RTTN: variants seen among roughly 807,000 people sequenced by gnomAD.
The protein encoded by RTTN is rotatin.
RTTN carries 182 observed loss-of-function variants against 269.2 expected under a neutral mutation model. The observed-to-expected ratio is 0.68, with a 90% CI of 0.60 to 0.76. The LOEUF is 0.76. Ranked by LOEUF, RTTN falls within the 30% of genes least tolerant of loss-of-function variation. The pLI, the probability that RTTN is intolerant of heterozygous loss-of-function variation, is 0.00. For synonymous variants in RTTN, 1,006 were observed against 963.5 expected (o/e 1.04, Z -0.82); for missense variants, 2,545 against 2,608.6 (o/e 0.98, Z 0.53).
intron 14 of RTTN, among the ~76,000 whole-genome samples, chr18:70,153,990 A>C (rs983707418): frequency 1.3e-5 from 2 of 152,178 alleles, no homozygotes; most frequent in African/African-American, 4.8e-5. Context: ...TAAAACATTA[A>C]ATGAAAGTTC....
rs1354496601 is a variant in RTTN at position 70,149,869 on chromosome 18, A to G, written c.2172+102T>C. On this transcript the variant is annotated intron_variant, in intron 16 of 48. Transcript: ENST00000640769. ...CCCAGCGCCTTCACAGCTTCTCTTCATTTCTCTCACAACTTGACAGTTTAG... is the reference window on the plus strand; with the variant it reads ...CCCAGCGCCTTCACAGCTTCTCTTCGTTTCTCTCACAACTTGACAGTTTAG... The G allele has an allele frequency of 7.6e-5, 65 of 858,444 alleles. No homozygotes were observed. In the East Asian group the frequency reaches 1.6e-3, roughly 21 times the overall value. 53.2% of individuals were successfully genotyped at this position (858,444 alleles called of 1,614,324 possible).
At chr18:70,017,341 T>C (rs1568244163) in intron 46 of RTTN, 66 bp downstream of exon 46, 9 of 1,390,310 alleles carry the variant, frequency 6.5e-6, no homozygotes, top group Non-Finnish European at 8.9e-6. Context: ...ATAAAATTAT[T>C]TGGTGTTGAC....
At chr18:70,161,460 T>C (rs7244441) in intron 14 of RTTN, among the ~76,000 whole-genome samples, 123,770 of 152,076 alleles carry the variant, frequency 0.81, 53,532 homozygotes, top group East Asian at 1. Flanking sequence ...AAAAAAGCAA[T>C]TGCAACAAAA....
intron 27 of RTTN, among the ~76,000 whole-genome samples, chr18:70,112,483 C>CAAAAAAAAAAAAAAA (rs36147576): frequency 3.2e-4 from 22 of 68,044 alleles, no homozygotes; most frequent in South Asian, 9.6e-4. Context: ...AAATGGAAAG[C>CAAAAAAAAAAAAAAA]AAAAAAAAAA....
At chr18:70,105,713 C>T (rs898699590) in intron 28 of RTTN, among the ~76,000 whole-genome samples, 3 of 152,068 alleles carry the variant, frequency 2.0e-5, no homozygotes, top group African/African-American at 7.2e-5. Context: ...GATCTTTAAA[C>T]TTGTTTTAAA....
intron 11 of RTTN, among the ~76,000 whole-genome samples, chr18:70,171,759 C>T (rs2061149087): frequency 6.6e-6 from 1 of 152,210 alleles, no homozygotes; most frequent in South Asian, 2.1e-4. Context: ...TGTAAACTAG[C>T]CACTCAGCAG....
At chr18:70,123,390 T>C (rs541483313) in intron 25 of RTTN, among the ~76,000 whole-genome samples, 1 of 152,216 alleles carries the variant, frequency 6.6e-6, no homozygotes, top group South Asian at 2.1e-4. Context: ...CATATATTAT[T>C]ATTAACTATA....
At chr18:70,044,149 G>A (rs544685862) in intron 40 of RTTN, among the ~76,000 whole-genome samples, 1 of 152,148 alleles carries the variant, frequency 6.6e-6, no homozygotes, top group Admixed American at 6.5e-5. Flanking sequence ...TAAAAAATAG[G>A]CTTTTTAATT....
Position 70,190,542 on chromosome 18 carries a change from T to C in RTTN, c.1185A>G (p.Arg395=). 1 of 1,609,984 alleles carries C rather than the reference T, an allele frequency of 6.2e-7. No individual in the cohort carries two copies. Among genetic ancestry groups the C allele is most frequent in the Non-Finnish European group, 8.5e-7 (1 of 1,176,472 alleles). Residue 395 remains arginine (R), a synonymous_variant, in exon 9 of 49, where the codon AGA becomes AGG. Coordinates refer to ENST00000640769, the MANE Select transcript of RTTN (RefSeq NM_173630.4). Reference sequence around the variant, plus strand: ...ACGATTTCTAAAACAACTAACCTGTTCTTAAGAGAGGAACAGCTGATTCCA... The same window carrying C: ...ACGATTTCTAAAACAACTAACCTGTCCTTAAGAGAGGAACAGCTGATTCCA... The part of the protein sequence containing the change: ...SILESAVPLL[R]TGSRQVIIRV...
chr18:70,080,664 T>G lies in RTTN; in HGVS notation c.4375-5123A>C, dbSNP rs534257298. 3.3e-5 allele frequency among the ~76,000 whole-genome samples: 5 copies of G among 152,270 alleles called. No individual in the cohort carries two copies. In the East Asian group the frequency reaches 9.6e-4, roughly 29 times the overall value. On this transcript the variant is annotated intron_variant, in intron 32 of 48. Transcript: ENST00000640769. Reference sequence around the variant, plus strand: ...TTAGGAAATCATTTGGCAACAATTCTGTAATAACTGTTTCAGGTAAGAATC... The same window carrying G: ...TTAGGAAATCATTTGGCAACAATTCGGTAATAACTGTTTCAGGTAAGAATC...
In RTTN at chr18:70,054,140, C is replaced by A; in HGVS notation, c.5176G>T (p.Asp1726Tyr). The change falls in exon 38 of 49, where the codon GAT (aspartate) becomes TAT (tyrosine). Residue 1726 changes from aspartate (D) to tyrosine (Y), a missense_variant. Transcript: ENST00000640769. ...IIGILTICTKDVLDKELISAF... is the reference protein window; with the variant it reads ...IIGILTICTKYVLDKELISAF... ...AAACAATTAAGCTTACCTAATACAT[C>A]TTTGGTACATATGGTGAGAATTCCA... 5.6e-6 allele frequency: 9 copies of A among 1,612,308 alleles called. No individual in the cohort carries two copies. Among genetic ancestry groups the A allele is most frequent in the Non-Finnish European group, 7.6e-6 (9 of 1,178,604 alleles).
At chr18:70,158,612 T>C (rs2060746202) in intron 14 of RTTN, among the ~76,000 whole-genome samples, 1 of 152,126 alleles carries the variant, frequency 6.6e-6, no homozygotes, top group Non-Finnish European at 1.5e-5. Flanking sequence ...ACCTTGAACA[T>C]AAACGGGCTA....
At chr18:70,080,544 G>A (rs1203940318) in intron 32 of RTTN, among the ~76,000 whole-genome samples, 1 of 152,146 alleles carries the variant, frequency 6.6e-6, no homozygotes, top group Non-Finnish European at 1.5e-5. Flanking sequence ...TTCAATCCAT[G>A]CTGGTGTAAA....
intron 28 of RTTN, among the ~76,000 whole-genome samples, chr18:70,103,163 T>C (rs372225074): frequency 0.024 from 3,005 of 125,622 alleles, 92 homozygotes; most frequent in African/African-American, 0.081. Flanking sequence ...CCTGGCCGCC[T>C]CGTCTGGGAA....
chr18:70,088,139 GAATCTCACCTGTTCA>G lies in RTTN; in HGVS notation c.4144-7_4151del. 3.1e-6 allele frequency: 5 copies of G among 1,608,580 alleles called. No individual in the cohort carries two copies. Among genetic ancestry groups the G allele is most frequent in the Non-Finnish European group, 4.2e-6 (5 of 1,178,100 alleles). ...GTGCTGATCCTAATCCCAGTGAAGTGAATCTCACCTGTTCAAATTAAAGAGAAAGTTGTTGAATCA... is the reference window on the plus strand; with the variant it reads ...GTGCTGATCCTAATCCCAGTGAAGTGAATTAAAGAGAAAGTTGTTGAATCA... On this transcript the variant is annotated splice_acceptor_variant and splice_polypyrimidine_tract_variant and coding_sequence_variant and intron_variant, in exon 31 of 49. Coordinates refer to ENST00000640769, the MANE Select transcript of RTTN (RefSeq NM_173630.4). LOFTEE classifies it high-confidence loss of function.
chr18:70,120,058 A>G (rs1318336511), intron 26 of RTTN, among the ~76,000 whole-genome samples: 2 of 152,236 alleles, frequency 1.3e-5, no homozygotes, highest in Non-Finnish European at 2.9e-5. Context: ...TGACTGGATC[A>G]TGAAGGCCCT....
chr18:70,131,954 A>AG (rs201596041), intron 23 of RTTN: 1 of 152,128 alleles, frequency 6.6e-6, no homozygotes, highest in East Asian at 1.9e-4. Context: ...TAAAAAAAAA[A>AG]AGTACATTTA....
At chr18:70,142,217 G>A (rs1364612077) in intron 19 of RTTN, 71 bp downstream of exon 19, 5 of 999,724 alleles carry the variant, frequency 5.0e-6, no homozygotes, top group African/African-American at 3.2e-5. Context: ...GCCAACTCCT[G>A]CCAGTACCAT....
chr18:70,171,022 A>C (rs960470330), intron 11 of RTTN, among the ~76,000 whole-genome samples: 1 of 151,520 alleles, frequency 6.6e-6, no homozygotes, highest in South Asian at 2.1e-4. Context: ...GGAAACAAAG[A>C]ATGAAGTTTG....
Sources: allele counts gnomAD v4.1 joint callset (sites outside exome capture counted in the v4.1 genomes callset), GRCh38; gene constraint gnomAD v4.1.1; transcripts MANE v1.5; gene names NCBI Gene and HGNC (gene_info 2026-07-23, HGNC 2026-07-21).